Variants in SPATA17 observed in about 807,000 individuals in gnomAD.
SPATA17 encodes the protein spermatogenesis associated 17.
SPATA17 carries 53 observed loss-of-function variants against 62.2 expected under a neutral mutation model. The observed-to-expected ratio is 0.85, with a 90% CI of 0.68 to 1.07. The LOEUF is 1.07. SPATA17 is among the 50% of genes least tolerant of loss of function. SPATA17 has a pLI of 0.00. For synonymous variants in SPATA17, 146 were observed against 146.8 expected, an observed-to-expected ratio of 0.99 and a Z score of 0.04; for missense variants, 466 against 425.5, an observed-to-expected ratio of 1.10 and a Z score of -0.84.
intron 5 of SPATA17, among the ~76,000 whole-genome samples, chr1:217,689,387 G>A (rs1370624046): frequency 2.6e-5 from 4 of 151,650 alleles, no homozygotes; most frequent in South Asian, 2.1e-4. Flanking sequence ...CACCACGCCC[G>A]GCTAATTTTC....
intron 3 of SPATA17, among the ~76,000 whole-genome samples, chr1:217,661,479 A>G (rs1184311659): frequency 6.6e-6 from 1 of 152,176 alleles, no homozygotes; most frequent in Non-Finnish European, 1.5e-5. Context: ...TAGCTTATCA[A>G]GTCCTAAAGA....
intron 9 of SPATA17, chr1:217,850,622 G>A (rs958010860): frequency 3.1e-6 from 5 of 1,593,156 alleles, no homozygotes; most frequent in African/African-American, 2.7e-5. Context: ...GGGTCTTCAC[G>A]AAGATCTGCA....
intron 10 of SPATA17, among the ~76,000 whole-genome samples, chr1:217,863,685 A>G (rs886141875): frequency 2.4e-4 from 36 of 152,348 alleles, no homozygotes; most frequent in African/African-American, 8.7e-4. Context: ...AAGAACAAAA[A>G]ATAAACTCTC....
intron 6 of SPATA17, among the ~76,000 whole-genome samples, chr1:217,755,895 T>C (rs922557000): frequency 2.6e-4 from 39 of 152,116 alleles, no homozygotes; most frequent in Admixed American, 1.3e-4. Context: ...TCAACCTCGT[T>C]TGCTATTATT....
At chr1:217,778,724 C>A (rs1673662851) in intron 7 of SPATA17, among the ~76,000 whole-genome samples, 1 of 152,120 alleles carries the variant, frequency 6.6e-6, no homozygotes, top group Non-Finnish European at 1.5e-5. Flanking sequence ...CCACACTATA[C>A]AATATTCACA....
chr1:217,782,363 G>T (rs1189919369), intron 8 of SPATA17, 41 bp downstream of exon 8: 8 of 1,535,848 alleles, frequency 5.2e-6, no homozygotes, highest in Non-Finnish European at 7.0e-6. Context: ...GACATATTTG[G>T]TGCCTTAAAT....
chr1:217,725,288 G>A (rs1672234738), intron 5 of SPATA17, among the ~76,000 whole-genome samples: 1 of 152,068 alleles, frequency 6.6e-6, no homozygotes, highest in South Asian at 2.1e-4. Flanking sequence ...GTCAACCTGT[G>A]CTGTCTGATT....
intron 9 of SPATA17, among the ~76,000 whole-genome samples, chr1:217,815,072 A>T (rs1256252387): frequency 1.3e-5 from 2 of 152,118 alleles, no homozygotes; most frequent in African/African-American, 2.4e-5. Flanking sequence ...CTGAGCCAAG[A>T]TATCAGTGTG....
intron 8 of SPATA17, among the ~76,000 whole-genome samples, chr1:217,784,291 A>G (rs1673801946): frequency 6.6e-6 from 1 of 152,156 alleles, no homozygotes; most frequent in African/African-American, 2.4e-5. Context: ...AACTTTACCT[A>G]TAAGGAGTTA....
Position 217,767,061 on chromosome 1 carries a change from A to C in SPATA17, c.520-7273A>C, listed in dbSNP as rs554525334. Among the ~76,000 whole-genome samples, 67 of 152,282 alleles carry C rather than the reference A, an allele frequency of 4.4e-4. 1 individual carries two copies. The highest frequency in any genetic ancestry group is 1.6e-3 in the African/African-American group (67 of 41,566). ...TTTCTTGTAAGGCATGTCTACTGGCAATAAATTCTCTTAATTTTTCTTTAT... is the reference window on the plus strand; with the variant it reads ...TTTCTTGTAAGGCATGTCTACTGGCCATAAATTCTCTTAATTTTTCTTTAT... On this transcript the variant is annotated intron_variant, in intron 6 of 10. Transcript: ENST00000366933.
chr1:217,789,029 G>A (rs748703372), intron 8 of SPATA17, among the ~76,000 whole-genome samples: 2 of 152,038 alleles, frequency 1.3e-5, no homozygotes, highest in African/African-American at 4.8e-5. Flanking sequence ...TATAGACATC[G>A]AGGATTTAAA....
chr1:217,748,050 T>A (rs1672806493), intron 6 of SPATA17, among the ~76,000 whole-genome samples: 1 of 151,706 alleles, frequency 6.6e-6, no homozygotes, highest in South Asian at 2.1e-4. Context: ...ACGCCTGTAA[T>A]TCCAGCACTT....
At chr1:217,819,840 T>C (rs1455343021) in intron 9 of SPATA17, among the ~76,000 whole-genome samples, 1 of 152,068 alleles carries the variant, frequency 6.6e-6, no homozygotes, top group Non-Finnish European at 1.5e-5. Flanking sequence ...TCCATTTTCT[T>C]AAGGCCAGCT....
intron 6 of SPATA17, among the ~76,000 whole-genome samples, chr1:217,743,800 G>A (rs74864410): frequency 0.025 from 3,742 of 152,058 alleles, 161 homozygotes; most frequent in African/African-American, 0.086. Flanking sequence ...ATAGAGATGA[G>A]GTTTCACCGT....
intron 4 of SPATA17, among the ~76,000 whole-genome samples, chr1:217,674,448 T>C (rs1235286675): frequency 6.6e-6 from 1 of 152,236 alleles, no homozygotes; most frequent in Non-Finnish European, 1.5e-5. Context: ...GCCTGGCTTG[T>C]GCTCCAGCTG....
chr1:217,714,548 A>G (rs1284869771), intron 5 of SPATA17, among the ~76,000 whole-genome samples: 1 of 141,712 alleles, frequency 7.1e-6, no homozygotes, highest in Admixed American at 7.2e-5. Flanking sequence ...GCAGTGGCAC[A>G]ATCTTGGCTC....
intron 5 of SPATA17, among the ~76,000 whole-genome samples, chr1:217,734,778 A>G (rs911750707): frequency 4.6e-5 from 7 of 152,116 alleles, no homozygotes; most frequent in Non-Finnish European, 1.0e-4. Context: ...TTTTTGTGGA[A>G]TTATTGTGAA....
At chr1:217,860,213 A>G (rs1471506244) in intron 9 of SPATA17, among the ~76,000 whole-genome samples, 1 of 152,154 alleles carries the variant, frequency 6.6e-6, no homozygotes, top group Non-Finnish European at 1.5e-5. Context: ...ATTTTCCAGC[A>G]ATCTTTCTGT....
chr1:217,785,703 A>C (rs1055679093), intron 8 of SPATA17, among the ~76,000 whole-genome samples: 5 of 152,160 alleles, frequency 3.3e-5, no homozygotes, highest in African/African-American at 1.2e-4. Context: ...TCAGCATATA[A>C]ATTTTGAGAG....
Sources: allele counts gnomAD v4.1 joint callset (sites outside exome capture counted in the v4.1 genomes callset), GRCh38; gene constraint gnomAD v4.1.1; transcripts MANE v1.5; gene names NCBI Gene and HGNC (gene_info 2026-07-23, HGNC 2026-07-21).